The following TYW1 variants were observed in gnomAD, a reference collection of about 807,000 sequenced individuals.
TYW1 encodes tRNA-yW synthesizing protein 1 homolog.
TYW1 carries 46 observed loss-of-function variants against 96.2 expected under a neutral mutation model. The observed-to-expected ratio is 0.48, with a 90% CI of 0.38 to 0.61. TYW1 has a LOEUF of 0.61. Ranked by LOEUF, TYW1 falls within the 20% of genes least tolerant of loss-of-function variation. TYW1 has a pLI of 0.00. For synonymous variants in TYW1, 274 were observed against 323.0 expected, an observed-to-expected ratio of 0.85 and a Z score of 1.63; for missense variants, 684 against 909.6, an observed-to-expected ratio of 0.75 and a Z score of 3.19.
intron 13 of TYW1, among the ~76,000 whole-genome samples, chr7:67,134,416 G>A (rs1194998908): frequency 5.1e-5 from 7 of 136,334 alleles, no homozygotes; most frequent in African/African-American, 1.5e-4. Flanking sequence ...GGTGGCAGGC[G>A]CCTGTAATTC....
At chr7:67,179,152 T>G (rs535020568) in intron 13 of TYW1, among the ~76,000 whole-genome samples, 2 of 136,418 alleles carry the variant, frequency 1.5e-5, no homozygotes, top group African/African-American at 3.0e-5. Context: ...TGCACATATT[T>G]ACATGCAAAT....
Position 67,083,539 on chromosome 7 carries a change from G to C in TYW1, c.1384G>C (p.Gly462Arg), listed in dbSNP as rs1292276034. Residue 462 changes from glycine (G) to arginine (R), a missense_variant and splice_region_variant, in exon 11 of 16, where the codon GGA (glycine) becomes CGA (arginine). Gly to Arg is a moderately radical substitution (Grantham distance 125). Transcript: ENST00000359626. Reference protein sequence around the residue: ...NHQNMIKQFKGVPGVKAERFE... With the variant: ...NHQNMIKQFKRVPGVKAERFE... ...TCAGAACATGATTAAGCAGTTTAAAGGTATTTATCTTCCCTCTACAAAGGA... is the reference window on the plus strand; with the variant it reads ...TCAGAACATGATTAAGCAGTTTAAACGTATTTATCTTCCCTCTACAAAGGA... The C allele has an allele frequency of 1.2e-6, 2 of 1,613,986 alleles. No homozygotes were observed. Among genetic ancestry groups the C allele is most frequent in the Non-Finnish European group, 1.7e-6 (2 of 1,179,936 alleles).
At chr7:67,067,191 G>A (rs923189415) in intron 9 of TYW1, 94 bp from the exon 10 acceptor site, 120 of 1,381,534 alleles carry the variant, frequency 8.7e-5, no homozygotes, top group Non-Finnish European at 1.1e-4. Flanking sequence ...TCATGGTTAC[G>A]AAACACATGG....
chr7:67,095,660 AAACAACAAC>A (rs56747081), intron 11 of TYW1, among the ~76,000 whole-genome samples: 71 of 136,668 alleles, frequency 5.2e-4, no homozygotes, highest in South Asian at 9.7e-4. Flanking sequence ...TCTGTCTCAA[AAACAACAAC>A]AACAACAACA....
chr7:67,096,946 C>T (rs1263055238), intron 11 of TYW1, among the ~76,000 whole-genome samples: 3 of 152,132 alleles, frequency 2.0e-5, no homozygotes, highest in African/African-American at 7.2e-5. Context: ...TGGAATCACA[C>T]GGAGAGCCCT....
chr7:67,219,398 C>T (rs2116412886), intron 15 of TYW1, among the ~76,000 whole-genome samples: 1 of 152,212 alleles, frequency 6.6e-6, no homozygotes, highest in African/African-American at 2.4e-5. Flanking sequence ...ATGCTGACCT[C>T]ACTGAATGAG....
chr7:67,017,945 G>T lies in TYW1; in HGVS notation c.663G>T (p.Lys221Asn). 4 of 1,614,190 alleles carry T rather than the reference G, an allele frequency of 2.5e-6. No individual in the cohort carries two copies. The South Asian group carries it at 3.3e-5, about 13-fold the overall frequency. Residue 221 changes from lysine to asparagine, a missense_variant, in exon 6 of 16, where the codon AAG becomes AAT. Coordinates refer to ENST00000359626, the MANE Select transcript of TYW1 (RefSeq NM_018264.4). ...GCGACTGCGACGTGGTTAAAAGCAA[G>T]CACGGCAGCATTGAGGCCGACTTCA... Reference protein sequence around the residue: ...GEGDCDVVKSKHGSIEADFRA... With the variant: ...GEGDCDVVKSNHGSIEADFRA...
At chr7:67,161,154 T>G (rs1799153479) in intron 13 of TYW1, among the ~76,000 whole-genome samples, 1 of 152,242 alleles carries the variant, frequency 6.6e-6, no homozygotes, top group African/African-American at 2.4e-5. Context: ...TTTTCTAGCA[T>G]AAAATACATG....
intron 12 of TYW1, among the ~76,000 whole-genome samples, chr7:67,104,806 G>T (rs761696112): frequency 6.6e-6 from 1 of 152,218 alleles, no homozygotes; most frequent in Non-Finnish European, 1.5e-5. Context: ...TGGTGGTGAT[G>T]AGACAAGAAA....
rs548592594 is a variant in TYW1 at position 67,189,421 on chromosome 7, CAT to C, written c.1810-5748_1810-5747del. Among the ~76,000 whole-genome samples the C allele has an allele frequency of 1.1e-4, 16 of 151,190 alleles. No homozygotes were observed. In the East Asian group the frequency reaches 2.9e-3, roughly 28 times the overall value. ...TGTGTGCGTGTGTTGTGTGTATGTGCATGTGTGTGTGGTATGTGTATGTATGT... is the reference window on the plus strand; with the variant it reads ...TGTGTGCGTGTGTTGTGTGTATGTGCGTGTGTGTGGTATGTGTATGTATGT... On this transcript the variant is annotated intron_variant, in intron 14 of 15. Coordinates refer to ENST00000359626, the MANE Select transcript of TYW1 (RefSeq NM_018264.4).
chr7:67,022,279 A>G (rs891200274), intron 6 of TYW1, among the ~76,000 whole-genome samples: 3 of 152,166 alleles, frequency 2.0e-5, no homozygotes, highest in Non-Finnish European at 2.9e-5. Flanking sequence ...ATGTATTGTC[A>G]TAGCTGCTTT....
chr7:67,127,283 C>A (rs1206358472), intron 13 of TYW1, among the ~76,000 whole-genome samples: 2 of 152,020 alleles, frequency 1.3e-5, no homozygotes, highest in East Asian at 1.9e-4. Context: ...CTCAGCCTCC[C>A]AAGTAGCAGG....
intron 15 of TYW1, among the ~76,000 whole-genome samples, chr7:67,221,229 A>G (rs575793324): frequency 1.3e-5 from 2 of 152,270 alleles, no homozygotes; most frequent in East Asian, 3.9e-4. Context: ...TGAACCTTTT[A>G]TCAATATGTA....
chr7:67,083,335 T>G, intron 10 of TYW1, 95 bp from the exon 11 acceptor site: 5 of 1,250,852 alleles, frequency 4.0e-6, no homozygotes, highest in Non-Finnish European at 5.7e-6. Context: ...CCAGTCCTGA[T>G]TTTGTGATTT....
chr7:67,048,315 C>T (rs1311510933), intron 7 of TYW1, among the ~76,000 whole-genome samples: 12 of 150,624 alleles, frequency 8.0e-5, no homozygotes, highest in African/African-American at 2.9e-4. Context: ...ACTTATTCAC[C>T]TGGGGGCTGG....
chr7:67,044,059 G>C (rs1407469925), intron 7 of TYW1, among the ~76,000 whole-genome samples: 1 of 148,322 alleles, frequency 6.7e-6, no homozygotes, highest in East Asian at 2.0e-4. Flanking sequence ...ATTTTTATTA[G>C]TTTAGATTAA....
chr7:67,039,006 T>C (rs1371019731), intron 7 of TYW1, among the ~76,000 whole-genome samples: 1 of 152,228 alleles, frequency 6.6e-6, no homozygotes, highest in Non-Finnish European at 1.5e-5. Context: ...AAAATGCAAG[T>C]ATTTGAAAAT....
At chr7:67,193,432 G>A (rs775344194) in intron 14 of TYW1, among the ~76,000 whole-genome samples, 9 of 152,102 alleles carry the variant, frequency 5.9e-5, no homozygotes, top group Non-Finnish European at 1.2e-4. Flanking sequence ...TGTCATCAGG[G>A]TCAGGGTCAC....
intron 7 of TYW1, among the ~76,000 whole-genome samples, chr7:67,046,576 A>G (rs1379146213): frequency 1.3e-5 from 2 of 152,218 alleles, no homozygotes; most frequent in African/African-American, 4.8e-5. Context: ...ATACACAAAA[A>G]TATATGGATC....
Sources: gnomAD v4.1 joint callset for allele counts (sites outside exome capture counted in the v4.1 genomes callset) on GRCh38, gnomAD v4.1.1 for gene constraint, MANE v1.5 for transcripts, NCBI Gene and HGNC (gene_info 2026-07-23, HGNC 2026-07-21) for gene names.